Variants in MAST4 observed in about 807,000 individuals in gnomAD.
MAST4 encodes the protein microtubule-associated serine/threonine-protein kinase 4.
Under a neutral mutation model 162.7 loss-of-function variants are expected in MAST4, and 89 were observed. That is an observed-to-expected ratio of 0.55 (90% CI 0.46 to 0.65). The LOEUF (loss-of-function observed/expected upper bound fraction) is 0.65. Among genes scored for constraint, MAST4 ranks in the 30% least tolerant of loss-of-function variants. The probability of loss-of-function intolerance (pLI) is 0.00; values close to 1 mark genes in which losing one functional copy is unlikely to be tolerated. For synonymous variants in MAST4, 1,479 were observed against 1,361.1 expected, an observed-to-expected ratio of 1.09 and a Z score of -1.91; for missense variants, 3,153 against 3,374.0, an observed-to-expected ratio of 0.93 and a Z score of 1.62.
intron 15 of MAST4, among the ~76,000 whole-genome samples, chr5:67,130,635 AG>A (rs1452230100): frequency 2.0e-5 from 3 of 152,148 alleles, no homozygotes; most frequent in African/African-American, 4.8e-5. Flanking sequence ...ATCTGGAAAA[AG>A]GTTATCTTTT....
chr5:67,144,480 ACACACACT>A (rs762574740), intron 21 of MAST4, among the ~76,000 whole-genome samples, 181 bp from the exon 22 acceptor site: 1 of 124,174 alleles, frequency 8.1e-6, no homozygotes, highest in Non-Finnish European at 1.9e-5. Context: ...ACACACACAC[ACACACACT>A]CACTCACCCT....
intron 1 of MAST4, among the ~76,000 whole-genome samples, chr5:66,670,800 A>G (rs1747561324): frequency 6.6e-6 from 1 of 151,652 alleles, no homozygotes; most frequent in Non-Finnish European, 1.5e-5. Flanking sequence ...TGAGATAAGG[A>G]CGTTACCTGA....
chr5:66,694,078 G>C (rs1207443244), intron 1 of MAST4, among the ~76,000 whole-genome samples: 1 of 152,216 alleles, frequency 6.6e-6, no homozygotes, highest in African/African-American at 2.4e-5. Context: ...ATTCACGGTG[G>C]CTGAGACTGG....
At position 66,622,179 on chromosome 5, in the gene MAST4, G is replaced by A. The variant is rs79486130; in HGVS notation, c.363+25161G>A. Among the ~76,000 whole-genome samples, 470 of 152,262 alleles carry A rather than the reference G, an allele frequency of 3.1e-3. 3 individuals are homozygous for A. The highest frequency in any genetic ancestry group is 0.011 in the African/African-American group (448 of 41,554). On this transcript the variant is annotated intron_variant, in intron 1 of 28. Coordinates refer to ENST00000403625, the MANE Select transcript of MAST4 (RefSeq NM_001164664.2). The stretch of plus-strand genomic sequence containing the variant: ...CAGCATGGTCGAGGAAGATGTTTCC[G>A]TGAAAGTGACTTGTGTAAAGATTTG...
intron 1 of MAST4, among the ~76,000 whole-genome samples, chr5:66,682,048 G>A (rs752515919): frequency 6.6e-6 from 1 of 152,156 alleles, no homozygotes; most frequent in Non-Finnish European, 1.5e-5. Context: ...GTGTACAAAG[G>A]TGTCCAGGCT....
chr5:66,891,004 A>C (rs13161454), intron 3 of MAST4, among the ~76,000 whole-genome samples: 1,969 of 152,318 alleles, frequency 0.013, 17 homozygotes, highest in South Asian at 0.042. Context: ...AAAAAATTTA[A>C]AGTGGAAAAG....
chr5:67,102,950 G>A (rs1415611356), intron 9 of MAST4, among the ~76,000 whole-genome samples: 1 of 152,184 alleles, frequency 6.6e-6, no homozygotes, highest in African/African-American at 2.4e-5. Context: ...TGGGCCTGCT[G>A]CCACATTGTT....
chr5:67,105,498 C>G (rs1765499245), intron 10 of MAST4, among the ~76,000 whole-genome samples: 1 of 152,184 alleles, frequency 6.6e-6, no homozygotes, highest in Non-Finnish European at 1.5e-5. Context: ...GCCTTCTATA[C>G]TCTTTCCCGA....
intron 4 of MAST4, among the ~76,000 whole-genome samples, chr5:67,018,547 G>T (rs1753595904): frequency 6.6e-6 from 1 of 152,100 alleles, no homozygotes; most frequent in Non-Finnish European, 1.5e-5. Flanking sequence ...CTACATAGAT[G>T]AAAAACTTGT....
chr5:66,957,465 G>A (rs947344381), intron 4 of MAST4, among the ~76,000 whole-genome samples: 23 of 151,932 alleles, frequency 1.5e-4, no homozygotes, highest in Admixed American at 1.4e-3. Flanking sequence ...TATCTTTTTA[G>A]TATTTCCTTT....
intron 3 of MAST4, among the ~76,000 whole-genome samples, chr5:66,831,836 G>T (rs77402385): frequency 1.3e-3 from 191 of 152,306 alleles, no homozygotes; most frequent in African/African-American, 4.3e-3. Context: ...TCTGATGGAT[G>T]GATGGGCTTG....
At chr5:66,662,338 T>G (rs1746969654) in intron 1 of MAST4, 1 of 152,220 alleles carries the variant, frequency 6.6e-6, no homozygotes, top group South Asian at 2.1e-4. Context: ...TAAGTTACAG[T>G]CTTCCATTTC....
Position 67,166,638 on chromosome 5 carries a change from G to GC in MAST4, c.7461dup (p.Ala2488ArgfsTer16). The GC allele has an allele frequency of 6.2e-7, 1 of 1,600,462 alleles. No individual in the cohort carries two copies. On this transcript the variant is annotated frameshift_variant, in exon 29 of 29. Transcript: ENST00000403625. LOFTEE classifies it low-confidence loss of function (END_TRUNC). The stretch of plus-strand genomic sequence containing the variant: ...CAGCAGCGACACCTCTTCTGCCAAG[G>GC]CCGCCGGGGGCATGCTGGAGCTTCC...
At chr5:66,812,126 G>GCAC (rs1187120927) in intron 3 of MAST4, among the ~76,000 whole-genome samples, 1 of 152,148 alleles carries the variant, frequency 6.6e-6, no homozygotes, top group East Asian at 1.9e-4. Context: ...GAAATCTTAT[G>GCAC]CATTAGAAGG....
intron 6 of MAST4, among the ~76,000 whole-genome samples, chr5:67,090,669 C>T (rs1020089443): frequency 6.6e-6 from 1 of 150,990 alleles, no homozygotes; most frequent in Non-Finnish European, 1.5e-5. Context: ...CTTTCTCTTC[C>T]TATCATGTTT....
rs543415976 is a variant in MAST4, at chr5:66,619,053, A to G, written c.363+22035A>G. Among the ~76,000 whole-genome samples the G allele has an allele frequency of 2.0e-5, 3 of 152,234 alleles. No individual in the cohort carries two copies. In the East Asian group the frequency reaches 5.8e-4, roughly 29 times the overall value. On this transcript the variant is annotated intron_variant, in intron 1 of 28. Coordinates refer to ENST00000403625, the MANE Select transcript of MAST4 (RefSeq NM_001164664.2). ...TGTGGAGGGTAGTAGGGACAGTGAA[A>G]TAGAAGAAATTAGCAGGTGAAGAGA...
At position 67,149,597 on chromosome 5, in the gene MAST4, G is replaced by A; in HGVS notation, c.3295+8G>A. On this transcript the variant is annotated splice_region_variant and intron_variant, in intron 24 of 28. Transcript: ENST00000403625. ...CCCTCATGATCCCAGGAGGTAGAGA[G>A]ATACTACTTGCATGAAATTGTGTGA... 4.3e-6 allele frequency: 7 copies of A among 1,612,456 alleles called. No homozygotes were observed. Among genetic ancestry groups the A allele is most frequent in the Non-Finnish European group, 5.9e-6 (7 of 1,179,094 alleles).
chr5:66,807,850 T>C (rs1756277639), intron 3 of MAST4, among the ~76,000 whole-genome samples: 1 of 152,192 alleles, frequency 6.6e-6, no homozygotes, highest in African/African-American at 2.4e-5. Context: ...TCCACTCCCA[T>C]CAGTGCTTTT....
chr5:66,687,505 T>C (rs1208046227), intron 1 of MAST4, among the ~76,000 whole-genome samples: 5 of 151,976 alleles, frequency 3.3e-5, no homozygotes, highest in African/African-American at 1.2e-4. Context: ...TATATGTATG[T>C]ATACATAGAT....
Sources: gnomAD v4.1 joint callset for allele counts (sites outside exome capture counted in the v4.1 genomes callset) on GRCh38, gnomAD v4.1.1 for gene constraint, MANE v1.5 for transcripts, NCBI Gene and HGNC (gene_info 2026-07-23, HGNC 2026-07-21) for gene names.